AAMDC: variants seen among roughly 807,000 people sequenced by gnomAD.
AAMDC encodes adipogenesis associated Mth938 domain containing, also known as mth938 domain-containing protein.
In AAMDC, 16 loss-of-function variants were observed where a neutral mutation model predicts 15.5. That is an observed-to-expected ratio of 1.03 (90% CI 0.70 to 1.57). The LOEUF (loss-of-function observed/expected upper bound fraction) is 1.57, where lower values mean the gene tolerates loss of function less well. Among genes scored for constraint, AAMDC ranks in the 40% most tolerant of loss-of-function variants. The probability of loss-of-function intolerance (pLI) is 0.00; values close to 1 mark genes in which losing one functional copy is unlikely to be tolerated. For synonymous variants in AAMDC, 51 were observed against 51.6 expected (o/e 0.99, Z 0.05); for missense variants, 141 against 144.9 (o/e 0.97, Z 0.14).
chr11:77,854,466 G>A (rs1950530086), intron 2 of AAMDC, among the ~76,000 whole-genome samples: 1 of 152,198 alleles, frequency 6.6e-6, no homozygotes, highest in African/African-American at 2.4e-5. Flanking sequence ...TTCCAAAAGT[G>A]AGAAATTATC....
intron 5 of AAMDC, among the ~76,000 whole-genome samples, chr11:77,900,390 C>T (rs1591031914): frequency 6.6e-6 from 1 of 152,148 alleles, no homozygotes; most frequent in Non-Finnish European, 1.5e-5. Flanking sequence ...TGAGCCACCA[C>T]ACCCGGCCAC....
intron 2 of AAMDC, among the ~76,000 whole-genome samples, chr11:77,843,775 G>A (rs601551): frequency 0.42 from 64,309 of 151,894 alleles, 14,144 homozygotes; most frequent in African/African-American, 0.53. Context: ...TCATGCTGCC[G>A]ATAAAGACAT....
intron 1 of AAMDC, among the ~76,000 whole-genome samples, chr11:77,825,125 C>T (rs200799999): frequency 9.2e-5 from 14 of 152,164 alleles, no homozygotes; most frequent in Non-Finnish European, 1.5e-4. Context: ...GGGCTACAGG[C>T]GTCTGCCACC....
At chr11:77,905,120 G>A (rs770176055), downstream of AAMDC, among the ~76,000 whole-genome samples, 5 of 152,178 alleles carry the variant, frequency 3.3e-5, no homozygotes, top group African/African-American at 4.8e-5. Flanking sequence ...CAATGTTGGC[G>A]GGCACCATCC....
At chr11:77,883,853 G>C (rs777365865) in intron 5 of AAMDC, 2 of 1,612,740 alleles carry the variant, frequency 1.2e-6, no homozygotes, top group African/African-American at 1.3e-5. Context: ...GTGTGGGAGA[G>C]ATAAACCTGA....
At chr11:77,828,671 A>G (rs374709458) in intron 1 of AAMDC, among the ~76,000 whole-genome samples, 23 of 137,550 alleles carry the variant, frequency 1.7e-4, no homozygotes, top group African/African-American at 2.6e-4. Context: ...CTCCATCTCG[A>G]AAAAAAAAAA....
intron 5 of AAMDC, among the ~76,000 whole-genome samples, chr11:77,880,454 C>T (rs930055274): frequency 6.6e-6 from 1 of 152,202 alleles, no homozygotes; most frequent in Admixed American, 6.5e-5. Flanking sequence ...TAAGCACACA[C>T]TCACATGACA....
intron 2 of AAMDC, among the ~76,000 whole-genome samples, chr11:77,860,477 C>T (rs923399045): frequency 2.0e-5 from 3 of 152,118 alleles, no homozygotes; most frequent in African/African-American, 7.2e-5. Context: ...CAGAGCTGAG[C>T]GTTTGGTTTG....
At chr11:77,874,105 C>T (rs1369188000), downstream of AAMDC, among the ~76,000 whole-genome samples, 5 of 152,130 alleles carry the variant, frequency 3.3e-5, no homozygotes, top group East Asian at 5.8e-4. Flanking sequence ...AAGTGGCAGA[C>T]GTAGGATTAG....
chr11:77,892,613 C>T (rs1952322505), intron 5 of AAMDC, among the ~76,000 whole-genome samples: 1 of 152,104 alleles, frequency 6.6e-6, no homozygotes. Context: ...GAAGGAGTCT[C>T]GCACTATTGC....
intron 2 of AAMDC, among the ~76,000 whole-genome samples, chr11:77,861,119 A>T (rs1950858630): frequency 6.6e-6 from 1 of 152,036 alleles, no homozygotes; most frequent in Non-Finnish European, 1.5e-5. Context: ...GCTCGTCCAT[A>T]TTGTCCTTCT....
chr11:77,830,549 G>A (rs996628441), intron 1 of AAMDC, among the ~76,000 whole-genome samples: 3 of 142,168 alleles, frequency 2.1e-5, no homozygotes, highest in African/African-American at 8.0e-5. Flanking sequence ...AAAGCTCAGG[G>A]CCCTTGTCCA....
At chr11:77,858,948 A>G (rs1390037353) in intron 2 of AAMDC, among the ~76,000 whole-genome samples, 1 of 152,140 alleles carries the variant, frequency 6.6e-6, no homozygotes, top group Non-Finnish European at 1.5e-5. Flanking sequence ...GCAGGGGATT[A>G]TTTCTTTGGC....
At chr11:77,899,951 A>G (rs900023961) in intron 5 of AAMDC, among the ~76,000 whole-genome samples, 2 of 152,132 alleles carry the variant, frequency 1.3e-5, no homozygotes, top group African/African-American at 4.8e-5. Context: ...CTTACCCTGT[A>G]ATATTTTAAT....
At chr11:77,881,319 C>T (rs1008159873) in intron 5 of AAMDC, among the ~76,000 whole-genome samples, 1 of 152,196 alleles carries the variant, frequency 6.6e-6, no homozygotes, top group African/African-American at 2.4e-5. Flanking sequence ...AGCATCCTGC[C>T]TCCCAGAGGA....
At chr11:77,869,926 C>A in intron 3 of AAMDC, 109 bp downstream of exon 3, 1 of 1,030,244 alleles carries the variant, frequency 9.7e-7, no homozygotes, top group Non-Finnish European at 1.5e-6. Flanking sequence ...CATGTACCCT[C>A]ATTTTGCTGA....
chr11:77,835,206 A>C (rs1033764565), intron 1 of AAMDC, among the ~76,000 whole-genome samples: 9 of 152,176 alleles, frequency 5.9e-5, no homozygotes, highest in African/African-American at 2.2e-4. Context: ...CCTTTCAGGA[A>C]ATTTCTTAAA....
In AAMDC at chr11:77,822,414, CAAAAAAAAAA is replaced by C. The variant is rs66463325; in HGVS notation, c.-19+1185_-19+1194del. Among the ~76,000 whole-genome samples, 3 of 74,784 alleles carry C rather than the reference CAAAAAAAAAA, an allele frequency of 4.0e-5. No individual in the cohort carries two copies. In the Admixed American group the frequency reaches 4.9e-4, roughly 12 times the overall value. The allele number at this position is 74,784 out of a possible 152,430, so 49.1% of individuals were successfully genotyped here. A position where few individuals can be genotyped will look rare whatever the true frequency, so the allele number is the denominator to read the frequency against. ...TGAGCGACAGAGCAAGACTCCACCT[CAAAAAAAAAA>C]AAAAAAAAAAAGAATTTGAAGCAAG... On this transcript the variant is annotated intron_variant, in intron 1 of 3. Coordinates refer to ENST00000393427, the MANE Select transcript of AAMDC (RefSeq NM_024684.4).
chr11:77,886,044 A>C (rs573737304), intron 5 of AAMDC, among the ~76,000 whole-genome samples: 5 of 151,952 alleles, frequency 3.3e-5, no homozygotes, highest in South Asian at 2.1e-4. Context: ...TCTCCACACA[A>C]AAAAAATTAA....
Sources: gnomAD v4.1 joint callset for allele counts (sites outside exome capture counted in the v4.1 genomes callset) on GRCh38, gnomAD v4.1.1 for gene constraint, MANE v1.5 for transcripts, NCBI Gene and HGNC (gene_info 2026-07-23, HGNC 2026-07-21) for gene names.